Variants in DYNLL1 observed in about 807,000 individuals in gnomAD.
DYNLL1 encodes dynein light chain LC8-type 1, also known as dynein light chain 1, cytoplasmic.
A neutral mutation model predicts 10.1 loss-of-function variants in DYNLL1; 3 were observed. The observed-to-expected ratio is 0.30, with a 90% CI of 0.14 to 0.77. The LOEUF is 0.77. Ranked by LOEUF, DYNLL1 falls within the 30% of genes least tolerant of loss-of-function variation. The pLI, the probability that DYNLL1 is intolerant of heterozygous loss-of-function variation, is 0.66. For missense variants in DYNLL1, 47 were observed against 111.7 expected, an observed-to-expected ratio of 0.42 and a Z score of 2.61; for synonymous variants, 46 against 41.2, an observed-to-expected ratio of 1.12 and a Z score of -0.45.
At chr12:120,485,656 A>C (rs557782208) in intron 1 of DYNLL1, among the ~76,000 whole-genome samples, 92 of 152,088 alleles carry the variant, frequency 6.0e-4, no homozygotes, top group African/African-American at 2.0e-3. Context: ...CCTGGGCAAC[A>C]TAGTGATACC....
In DYNLL1 at chr12:120,498,455, A is replaced by G; in HGVS notation, c.*245A>G. The G allele has an allele frequency of 2.5e-6, 1 of 401,954 alleles. No homozygotes were observed. Among genetic ancestry groups the G allele is most frequent in the Non-Finnish European group, 4.4e-6 (1 of 228,448 alleles). The allele number at this position is 401,954 out of a possible 1,614,324, so 24.9% of individuals were successfully genotyped here. On this transcript the variant is annotated 3_prime_UTR_variant, in exon 3 of 3. Coordinates refer to ENST00000242577, the MANE Select transcript of DYNLL1 (RefSeq NM_003746.3). ...CTTCTGCCCACGTTGTTTTCTCTCA[A>G]AATCCATTCCTTTAAAAAATAAATC...
chr12:120,493,795 A>G (rs1340216232), upstream of DYNLL1: 4 of 135,750 alleles, frequency 2.9e-5, no homozygotes, highest in South Asian at 6.9e-4. Context: ...TTTTTTTTGT[A>G]TTTTTAGTAA....
At chr12:120,476,367 G>C (rs1464905010) in intron 1 of DYNLL1, among the ~76,000 whole-genome samples, 2 of 151,832 alleles carry the variant, frequency 1.3e-5, no homozygotes, top group African/African-American at 4.8e-5. Context: ...AAGCTTCTAG[G>C]CTACACATCC....
At position 120,496,367 on chromosome 12, in the gene DYNLL1, T is replaced by TG. The variant is rs1282488917; in HGVS notation, c.-6-43dup. On this transcript the variant is annotated intron_variant, in intron 1 of 2. Coordinates refer to ENST00000242577, the MANE Select transcript of DYNLL1 (RefSeq NM_003746.3). ...GGCCGGGGTGGGGGCAGTTAGTGCC[T>TG]GGGGGGCGCGGCCCAACTCAACCCC... 6.2e-6 allele frequency: 10 copies of TG among 1,609,526 alleles called. No individual in the cohort carries two copies. The African/African-American group carries it at 1.2e-4, about 19-fold the overall frequency.
At chr12:120,495,095 A>G (rs1273306661), upstream of DYNLL1, among the ~76,000 whole-genome samples, 1 of 152,160 alleles carries the variant, frequency 6.6e-6, no homozygotes, top group African/African-American at 2.4e-5. Flanking sequence ...ATAGCTAGTA[A>G]ATGACAGTGC....
chr12:120,479,117 A>C (rs1373369546), intron 1 of DYNLL1, among the ~76,000 whole-genome samples: 7 of 148,950 alleles, frequency 4.7e-5, no homozygotes, highest in African/African-American at 1.5e-4. Flanking sequence ...CGAGTCGAGA[A>C]CACACCACTG....
intron 1 of DYNLL1, among the ~76,000 whole-genome samples, chr12:120,480,961 A>G (rs1015544225): frequency 5.9e-5 from 9 of 151,962 alleles, no homozygotes; most frequent in South Asian, 2.1e-4. Context: ...GGGTTTCACC[A>G]TGTTCGCCAG....
At position 120,498,403 on chromosome 12, in the gene DYNLL1, A is replaced by G; in HGVS notation, c.*193A>G. ...TATAAAACAATTAGCAGAATAGCCTACATTTGTATTTATTTTCTATTCCAT... is the reference window on the plus strand; with the variant it reads ...TATAAAACAATTAGCAGAATAGCCTGCATTTGTATTTATTTTCTATTCCAT... On this transcript the variant is annotated 3_prime_UTR_variant, in exon 3 of 3. Transcript: ENST00000242577. 1.8e-6 allele frequency: 1 copy of G among 546,770 alleles called. No individual in the cohort carries two copies. Among genetic ancestry groups the G allele is most frequent in the South Asian group, 4.0e-5 (1 of 24,972 alleles). 33.9% of individuals were successfully genotyped at this position (546,770 alleles called of 1,614,324 possible).
chr12:120,483,538 G>A (rs550703857), intron 1 of DYNLL1, among the ~76,000 whole-genome samples: 2 of 152,268 alleles, frequency 1.3e-5, no homozygotes, highest in East Asian at 3.9e-4. Flanking sequence ...AAGGAAGCCT[G>A]CAGGATAAGC....
intron 1 of DYNLL1, among the ~76,000 whole-genome samples, chr12:120,472,952 C>T (rs561255808): frequency 1.3e-5 from 2 of 152,298 alleles, no homozygotes; most frequent in South Asian, 4.1e-4. Flanking sequence ...CCATTCTCTG[C>T]TAAGGCCAGA....
chr12:120,475,430 A>G (rs530391152), intron 1 of DYNLL1, among the ~76,000 whole-genome samples: 1 of 152,190 alleles, frequency 6.6e-6, no homozygotes, highest in African/African-American at 2.4e-5. Flanking sequence ...TGCCCCCTCA[A>G]CCTCCACCTC....
intron 1 of DYNLL1, among the ~76,000 whole-genome samples, chr12:120,479,468 A>AAAATAAT (rs1555221140): frequency 6.4e-5 from 7 of 109,580 alleles, no homozygotes; most frequent in African/African-American, 2.4e-4. Context: ...AAAAAAAAAA[A>AAAATAAT]AATAATAATA....
chr12:120,498,329 C>T lies in DYNLL1; in HGVS notation c.*119C>T. 1 of 1,329,314 alleles carries T rather than the reference C, an allele frequency of 7.5e-7. No individual in the cohort carries two copies. Among genetic ancestry groups the T allele is most frequent in the Admixed American group, 2.6e-5 (1 of 38,854 alleles). 82.3% of individuals were successfully genotyped at this position (1,329,314 alleles called of 1,614,324 possible). A position where few individuals can be genotyped will look rare whatever the true frequency, so the allele number is the denominator to read the frequency against. On this transcript the variant is annotated 3_prime_UTR_variant, in exon 3 of 3. Coordinates refer to ENST00000242577, the MANE Select transcript of DYNLL1 (RefSeq NM_003746.3). Reference sequence around the variant, plus strand: ...CTAAGGGAACATCTCGATGTTTGAACCTTTGTTGTGTTTTGTACAGGGCAT... The same window carrying T: ...CTAAGGGAACATCTCGATGTTTGAATCTTTGTTGTGTTTTGTACAGGGCAT...
chr12:120,473,511 A>G (rs1270308558), intron 1 of DYNLL1, among the ~76,000 whole-genome samples: 2 of 151,884 alleles, frequency 1.3e-5, no homozygotes, highest in Non-Finnish European at 2.9e-5. Flanking sequence ...CCTGGTCAAC[A>G]TGGCAAAACC....
chr12:120,477,286 G>T (rs1376852753), intron 1 of DYNLL1, among the ~76,000 whole-genome samples: 2 of 152,084 alleles, frequency 1.3e-5, no homozygotes. Context: ...AGAGCCCAGG[G>T]TTATGTACAT....
At chr12:120,486,192 T>C (rs1196541102) in intron 1 of DYNLL1, among the ~76,000 whole-genome samples, 2 of 152,234 alleles carry the variant, frequency 1.3e-5, no homozygotes, top group East Asian at 3.8e-4. Flanking sequence ...TTGATTTATA[T>C]GAGCCGAAAT....
intron 1 of DYNLL1, among the ~76,000 whole-genome samples, chr12:120,489,263 T>C (rs1210028388): frequency 6.6e-6 from 1 of 152,234 alleles, no homozygotes; most frequent in Non-Finnish European, 1.5e-5. Context: ...AGAACTCATA[T>C]ATCCAACTGC....
intron 1 of DYNLL1, among the ~76,000 whole-genome samples, chr12:120,484,972 G>A (rs1435091649): frequency 2.0e-5 from 3 of 152,068 alleles, no homozygotes; most frequent in Non-Finnish European, 1.5e-5. Context: ...ACTTCTGACC[G>A]CAAGTGATCC....
At chr12:120,484,528 C>T (rs1190281971) in intron 1 of DYNLL1, among the ~76,000 whole-genome samples, 1 of 152,146 alleles carries the variant, frequency 6.6e-6, no homozygotes, top group Non-Finnish European at 1.5e-5. Context: ...GATTACAGAT[C>T]TTACAAAGGA....
Sources: gnomAD v4.1 joint callset for allele counts (sites outside exome capture counted in the v4.1 genomes callset) on GRCh38, gnomAD v4.1.1 for gene constraint, MANE v1.5 for transcripts, NCBI Gene and HGNC (gene_info 2026-07-23, HGNC 2026-07-21) for gene names.